B3GLCT: variants seen among roughly 807,000 people sequenced by gnomAD.
B3GLCT encodes beta 3-glucosyltransferase, also known as beta-1,3-glucosyltransferase.
In B3GLCT, 65 loss-of-function variants were observed where a neutral mutation model predicts 63.4. That is an observed-to-expected ratio of 1.03 (90% confidence interval 0.84 to 1.26). The LOEUF (loss-of-function observed/expected upper bound fraction) is 1.26, where lower values mean the gene tolerates loss of function less well. Among genes scored for constraint, B3GLCT ranks in the 50% most tolerant of loss-of-function variants. The probability of loss-of-function intolerance (pLI) is 0.00; values close to 1 mark genes in which losing one functional copy is unlikely to be tolerated. For missense variants in B3GLCT, 577 were observed against 604.8 expected, an observed-to-expected ratio of 0.95 and a Z score of 0.48; for synonymous variants, 233 against 219.2, an observed-to-expected ratio of 1.06 and a Z score of -0.55.
chr13:31,289,942 G>T (rs977291925), intron 12 of B3GLCT, among the ~76,000 whole-genome samples: 2 of 151,298 alleles, frequency 1.3e-5, no homozygotes, highest in Non-Finnish European at 2.9e-5. Flanking sequence ...AGGTATACAC[G>T]TGCCATGGTG....
intron 13 of B3GLCT, among the ~76,000 whole-genome samples, chr13:31,318,299 A>G (rs1875157917): frequency 6.6e-6 from 1 of 152,148 alleles, no homozygotes; most frequent in Non-Finnish European, 1.5e-5. Context: ...AGTCATTTAA[A>G]TTCACTCAGT....
intron 7 of B3GLCT, among the ~76,000 whole-genome samples, chr13:31,266,594 A>G (rs998879150): frequency 6.6e-6 from 1 of 152,154 alleles, no homozygotes; most frequent in Non-Finnish European, 1.5e-5. Flanking sequence ...CTTGTTTGCA[A>G]GGTGACTGGA....
At chr13:31,274,749 A>G (rs1200525232) in intron 9 of B3GLCT, 121 bp downstream of exon 9, 3 of 1,252,066 alleles carry the variant, frequency 2.4e-6, no homozygotes, top group Non-Finnish European at 2.3e-6. Context: ...CAAGTTGGTT[A>G]TAAGGGTATA....
chr13:31,280,843 A>C (rs1458845361), intron 10 of B3GLCT, among the ~76,000 whole-genome samples: 1 of 152,254 alleles, frequency 6.6e-6, no homozygotes, highest in African/African-American at 2.4e-5. Context: ...GAAGTAATAC[A>C]TATTGACATC....
At chr13:31,290,784 C>G (rs1369536739) in intron 12 of B3GLCT, among the ~76,000 whole-genome samples, 2 of 152,142 alleles carry the variant, frequency 1.3e-5, no homozygotes, top group African/African-American at 4.8e-5. Context: ...GGATAGATTG[C>G]AAAAATTTTC....
At chr13:31,256,394 C>T (rs747664534) in intron 6 of B3GLCT, among the ~76,000 whole-genome samples, 8 of 152,150 alleles carry the variant, frequency 5.3e-5, no homozygotes, top group East Asian at 1.9e-4. Context: ...TCTAGAAATA[C>T]GATTTGACCC....
chr13:31,246,949 T>C, intron 4 of B3GLCT, 74 bp from the exon 5 acceptor site: 1 of 1,019,628 alleles, frequency 9.8e-7, no homozygotes, highest in Non-Finnish European at 1.4e-6. Flanking sequence ...TTCTTTTCTT[T>C]TCTTTTTTTT....
intron 6 of B3GLCT, among the ~76,000 whole-genome samples, chr13:31,248,273 A>C (rs573110584): frequency 6.6e-6 from 1 of 152,240 alleles, no homozygotes; most frequent in African/African-American, 2.4e-5. Context: ...AATAAACTTA[A>C]GTTGGCTATT....
chr13:31,298,068 C>A lies in B3GLCT; in HGVS notation c.1064+11249C>A, dbSNP rs78072903. Among the ~76,000 whole-genome samples, 838 of 152,314 alleles carry A rather than the reference C, an allele frequency of 5.5e-3. 12 individuals carry two copies. The highest frequency in any genetic ancestry group is 0.019 in the African/African-American group (805 of 41,566). ...GATCAACTTGACTTTCAGCTGCTTT[C>A]CCCTCCCAGGAGATTGGGGGGTGGG... On this transcript the variant is annotated intron_variant, in intron 12 of 14. Transcript: ENST00000343307.
intron 8 of B3GLCT, among the ~76,000 whole-genome samples, chr13:31,273,240 G>A (rs142379485): frequency 1.9e-3 from 289 of 152,172 alleles, no homozygotes; most frequent in African/African-American, 6.5e-3. Context: ...GACTACAGGC[G>A]CGTGCCACCA....
chr13:31,326,125 GT>G (rs1875591438), intron 14 of B3GLCT, among the ~76,000 whole-genome samples: 1 of 152,104 alleles, frequency 6.6e-6, no homozygotes, highest in Non-Finnish European at 1.5e-5. Flanking sequence ...TGGGTAAACT[GT>G]ATGGGATGGA....
At position 31,291,059 on chromosome 13, in the gene B3GLCT, A is replaced by G. The variant is rs375939107; in HGVS notation, c.1064+4240A>G. On this transcript the variant is annotated intron_variant, in intron 12 of 14. Coordinates refer to ENST00000343307, the MANE Select transcript of B3GLCT (RefSeq NM_194318.4). ...AAGGTGTAAGAAAGGTTTTCTGCAT[A>G]TGGCTAGCCAGTTTTCTCAACACCA... Among the ~76,000 whole-genome samples the G allele has an allele frequency of 2.0e-3, 302 of 152,028 alleles. 2 individuals are homozygous for G. Among genetic ancestry groups the G allele is most frequent in the African/African-American group, 6.9e-3 (286 of 41,536 alleles).
intron 7 of B3GLCT, among the ~76,000 whole-genome samples, chr13:31,267,264 C>T (rs1872369142): frequency 6.6e-6 from 1 of 152,236 alleles, no homozygotes; most frequent in Admixed American, 6.5e-5. Context: ...GGTCACATGC[C>T]TCTTGTATTC....
At chr13:31,247,995 T>C in intron 6 of B3GLCT, 29 bp downstream of exon 6, 1 of 1,207,614 alleles carries the variant, frequency 8.3e-7, no homozygotes, top group Middle Eastern at 1.9e-4. Flanking sequence ...CCAGTTCTTA[T>C]TTTGGGGGAC....
At chr13:31,243,389 A>G (rs1009621907) in intron 4 of B3GLCT, among the ~76,000 whole-genome samples, 1 of 152,236 alleles carries the variant, frequency 6.6e-6, no homozygotes, top group Non-Finnish European at 1.5e-5. Flanking sequence ...CCAGACATGC[A>G]GAAAAACTAA....
chr13:31,277,939 A>G lies in B3GLCT; in HGVS notation c.850+1168A>G, dbSNP rs201095556. On this transcript the variant is annotated intron_variant, in intron 10 of 14. Coordinates refer to ENST00000343307, the MANE Select transcript of B3GLCT (RefSeq NM_194318.4). Reference sequence around the variant, plus strand: ...AGCAGTTAAAATAAAATTTTTATTTATCATAAATTTAACCTAAATTTAATA... The same window carrying G: ...AGCAGTTAAAATAAAATTTTTATTTGTCATAAATTTAACCTAAATTTAATA... Among the ~76,000 whole-genome samples the G allele has an allele frequency of 4.6e-5, 7 of 152,338 alleles. No individual in the cohort carries two copies. In the East Asian group the frequency reaches 1.3e-3, roughly 29 times the overall value.
chr13:31,293,176 T>C (rs112212500), intron 12 of B3GLCT, among the ~76,000 whole-genome samples: 2 of 152,140 alleles, frequency 1.3e-5, no homozygotes, highest in South Asian at 2.1e-4. Flanking sequence ...GAGACTGTTA[T>C]GATTTCTGTT....
intron 8 of B3GLCT, among the ~76,000 whole-genome samples, chr13:31,270,687 A>G (rs567885483): frequency 1.3e-5 from 2 of 152,292 alleles, no homozygotes; most frequent in South Asian, 4.1e-4. Context: ...AACTCTCTTG[A>G]ATTCTCTCCC....
chr13:31,283,796 T>C (rs550943552), intron 10 of B3GLCT, among the ~76,000 whole-genome samples: 1 of 152,326 alleles, frequency 6.6e-6, no homozygotes, highest in East Asian at 1.9e-4. Flanking sequence ...TGATAAAGTT[T>C]CTCAAAAGTT....
Sources: allele counts gnomAD v4.1 joint callset (sites outside exome capture counted in the v4.1 genomes callset), GRCh38; gene constraint gnomAD v4.1.1; transcripts MANE v1.5; gene names NCBI Gene and HGNC (gene_info 2026-07-23, HGNC 2026-07-21).